The following CCDC85A variants were observed in gnomAD, a reference collection of about 807,000 sequenced individuals.
CCDC85A encodes the protein coiled-coil domain-containing protein 85A.
Under a neutral mutation model 50.2 loss-of-function variants are expected in CCDC85A, and 38 were observed. The ratio of observed to expected loss-of-function variants is 0.76; its 90% CI spans 0.58 to 0.99. CCDC85A has a LOEUF of 0.99. Ranked by LOEUF, CCDC85A falls within the 50% of genes least tolerant of loss-of-function variation. The probability of loss-of-function intolerance (pLI) is 0.00; values close to 1 mark genes in which losing one functional copy is unlikely to be tolerated. For missense variants in CCDC85A, 820 were observed against 742.0 expected (o/e 1.11, Z -1.22); for synonymous variants, 366 against 301.4 (o/e 1.21, Z -2.22).
intron 2 of CCDC85A, among the ~76,000 whole-genome samples, chr2:56,276,095 C>T (rs214040): frequency 0.66 from 100,897 of 151,912 alleles, 33,862 homozygotes; most frequent in East Asian, 0.84. Flanking sequence ...TTTTACATCA[C>T]ATGAAATAGA....
intron 2 of CCDC85A, among the ~76,000 whole-genome samples, chr2:56,240,633 C>T (rs557875811): frequency 2.6e-5 from 4 of 152,064 alleles, no homozygotes; most frequent in Non-Finnish European, 4.4e-5. Context: ...CAAATGGACT[C>T]GTGCAATATT....
At chr2:56,185,022 G>C (rs1253807232) in intron 1 of CCDC85A, 122 bp downstream of exon 1, 2 of 1,234,686 alleles carry the variant, frequency 1.6e-6, no homozygotes. Context: ...TCTCCCGGTC[G>C]GCACCCCCTA....
At chr2:56,341,778 G>A (rs113916146) in intron 2 of CCDC85A, among the ~76,000 whole-genome samples, 352 of 152,194 alleles carry the variant, frequency 2.3e-3, no homozygotes, top group African/African-American at 7.6e-3. Context: ...GTCTGCTCCT[G>A]GTTTACCTAA....
chr2:56,345,215 T>C (rs1573306811), intron 3 of CCDC85A, among the ~76,000 whole-genome samples: 1 of 152,266 alleles, frequency 6.6e-6, no homozygotes, highest in Admixed American at 6.5e-5. Flanking sequence ...TTTTTCTCTC[T>C]AAGAAATGGC....
At chr2:56,201,658 A>G (rs1337600037) in intron 2 of CCDC85A, among the ~76,000 whole-genome samples, 1 of 152,164 alleles carries the variant, frequency 6.6e-6, no homozygotes, top group East Asian at 1.9e-4. Flanking sequence ...TTTTCTTACC[A>G]GTAAGAAAGA....
chr2:56,249,869 T>G (rs1669678223), intron 2 of CCDC85A, among the ~76,000 whole-genome samples: 1 of 152,196 alleles, frequency 6.6e-6, no homozygotes, highest in Non-Finnish European at 1.5e-5. Context: ...TTCTGAAGGT[T>G]CAGCATTTTC....
chr2:56,380,679 A>C (rs1007479218), intron 5 of CCDC85A, among the ~76,000 whole-genome samples: 2 of 152,170 alleles, frequency 1.3e-5, no homozygotes. Flanking sequence ...GTGCATATTC[A>C]ACGCAATCAT....
At chr2:56,224,535 G>A (rs1487600107) in intron 2 of CCDC85A, among the ~76,000 whole-genome samples, 3 of 152,262 alleles carry the variant, frequency 2.0e-5, no homozygotes, top group Non-Finnish European at 2.9e-5. Flanking sequence ...CCTGCCAGTT[G>A]TTTTCCAAAG....
At chr2:56,207,729 G>A (rs960997320) in intron 2 of CCDC85A, among the ~76,000 whole-genome samples, 2 of 152,004 alleles carry the variant, frequency 1.3e-5, no homozygotes, top group African/African-American at 4.8e-5. Flanking sequence ...ATTTCATCAT[G>A]CCTTATGGGA....
Position 56,184,693 on chromosome 2 carries a change from C to G in CCDC85A, c.69C>G (p.Ala23=), listed in dbSNP as rs747133428. ...AAAESCSPAP[A]GSSAAPPAPV... is the part of the protein sequence containing the mutation. ...CGGAAAGTTGTTCCCCAGCCCCGGC[C>G]GGCTCGTCCGCGGCCCCGCCCGCGC... Residue 23 remains alanine (A), a synonymous_variant, in exon 1 of 6, where the codon GCC becomes GCG. Transcript: ENST00000407595. 6.6e-7 allele frequency: 1 copy of G among 1,524,118 alleles called. No homozygotes were observed. The highest frequency in any genetic ancestry group is 1.2e-5 in the South Asian group (1 of 81,706). 94.4% of individuals were successfully genotyped at this position (1,524,118 alleles called of 1,614,324 possible).
chr2:56,230,534 G>T (rs900492814), intron 2 of CCDC85A, among the ~76,000 whole-genome samples: 1 of 152,114 alleles, frequency 6.6e-6, no homozygotes, highest in African/African-American at 2.4e-5. Context: ...GCTCTATGTT[G>T]GAAATGTGCT....
chr2:56,339,602 A>C (rs891688975), intron 2 of CCDC85A, among the ~76,000 whole-genome samples: 3 of 152,262 alleles, frequency 2.0e-5, no homozygotes, highest in Non-Finnish European at 4.4e-5. Context: ...TGCTTTAAGT[A>C]TCACAGCCTT....
intron 3 of CCDC85A, among the ~76,000 whole-genome samples, chr2:56,360,980 G>T (rs11674032): frequency 1.3e-5 from 2 of 152,190 alleles, no homozygotes; most frequent in Non-Finnish European, 2.9e-5. Context: ...GAGGCCAGGC[G>T]TGGTGGCTCA....
intron 3 of CCDC85A, among the ~76,000 whole-genome samples, chr2:56,368,757 T>A (rs1292096373): frequency 6.6e-6 from 1 of 151,880 alleles, no homozygotes; most frequent in Non-Finnish European, 1.5e-5. Context: ...ACTACAGTAT[T>A]ACTCTATTGA....
chr2:56,222,691 G>A (rs567867782), intron 2 of CCDC85A, among the ~76,000 whole-genome samples: 6 of 152,186 alleles, frequency 3.9e-5, no homozygotes, highest in East Asian at 1.9e-4. Flanking sequence ...TTTCCCACCC[G>A]TTGATAACAA....
chr2:56,266,587 C>CT (rs1008651483), intron 2 of CCDC85A, among the ~76,000 whole-genome samples: 2 of 136,464 alleles, frequency 1.5e-5, no homozygotes, highest in African/African-American at 5.4e-5. Context: ...CGCCCCCCCC[C>CT]CCCATAATCT....
Position 56,184,879 on chromosome 2 carries a change from C to G in CCDC85A, c.255C>G (p.Leu85=), listed in dbSNP as rs751768577. 1 of 1,524,792 alleles carries G rather than the reference C, an allele frequency of 6.6e-7. No homozygotes were observed. The highest frequency in any genetic ancestry group is 1.2e-5 in the South Asian group (1 of 81,826). 94.5% of individuals were successfully genotyped at this position (1,524,792 alleles called of 1,614,324 possible). The change falls in exon 1 of 6, where the codon CTC becomes CTG. Residue 85 remains leucine, a synonymous_variant. Transcript: ENST00000407595. ...REVNRRLQLH[L]GEIRGLKDIN... ...TGAACCGCCGCCTGCAGCTGCACCT[C>G]GGCGAGATCCGCGGCCTCAAGGTGA...
At chr2:56,357,745 A>G (rs2104360429) in intron 3 of CCDC85A, among the ~76,000 whole-genome samples, 1 of 146,796 alleles carries the variant, frequency 6.8e-6, no homozygotes, top group Admixed American at 7.1e-5. Flanking sequence ...AACAGAGCTT[A>G]TGCCAGAGCA....
chr2:56,286,215 G>C (rs1200736470), intron 2 of CCDC85A, among the ~76,000 whole-genome samples: 1 of 151,912 alleles, frequency 6.6e-6, no homozygotes, highest in East Asian at 1.9e-4. Context: ...TTGTATTTCT[G>C]TATTTATGGT....
Sources: gnomAD v4.1 joint callset for allele counts (sites outside exome capture counted in the v4.1 genomes callset) on GRCh38, gnomAD v4.1.1 for gene constraint, MANE v1.5 for transcripts, NCBI Gene and HGNC (gene_info 2026-07-23, HGNC 2026-07-21) for gene names.